Variants in DENND1B observed in about 807,000 individuals in gnomAD.
DENND1B encodes the protein DENN domain-containing protein 1B.
A neutral mutation model predicts 90.1 loss-of-function variants in DENND1B; 59 were observed. The observed-to-expected ratio is 0.65, with a 90% confidence interval of 0.53 to 0.81. The LOEUF is 0.81. Ranked by LOEUF, DENND1B falls within the 40% of genes least tolerant of loss-of-function variation. The probability of loss-of-function intolerance (pLI) is 0.00; values close to 1 mark genes in which losing one functional copy is unlikely to be tolerated. For missense variants in DENND1B, 862 were observed against 912.6 expected (o/e 0.94, Z 0.71); for synonymous variants, 337 against 324.6 (o/e 1.04, Z -0.41).
intron 5 of DENND1B, among the ~76,000 whole-genome samples, chr1:197,668,886 C>G (rs1655204618): frequency 6.6e-6 from 1 of 152,004 alleles, no homozygotes; most frequent in African/African-American, 2.4e-5. Flanking sequence ...ACAAACAGCA[C>G]ATGAAGTGTG....
At chr1:197,773,173 T>C (rs1402170640) in intron 1 of DENND1B, 2 of 510,786 alleles carry the variant, frequency 3.9e-6, no homozygotes, top group Non-Finnish European at 7.1e-6. Flanking sequence ...TGTTCTCCCT[T>C]ACCTATGAGG....
At chr1:197,609,386 G>T (rs1211488236) in intron 12 of DENND1B, among the ~76,000 whole-genome samples, 3 of 150,474 alleles carry the variant, frequency 2.0e-5, no homozygotes, top group Non-Finnish European at 3.0e-5. Flanking sequence ...ATTTTATTTA[G>T]AATCCATTGT....
At position 197,509,466 on chromosome 1, in the gene DENND1B, G is replaced by A. The variant is rs544171487; in HGVS notation, c.*994C>T. On this transcript the variant is annotated 3_prime_UTR_variant, in exon 23 of 23. Transcript: ENST00000620048. Reference sequence around the variant, plus strand: ...ATTGGGGCAGATGTACCATAGTAACGTAAGATGTTAGTAACAGGGGTAGAT... The same window carrying A: ...ATTGGGGCAGATGTACCATAGTAACATAAGATGTTAGTAACAGGGGTAGAT... 6 of 151,848 alleles carry A rather than the reference G, an allele frequency of 4.0e-5. No homozygotes were observed. Among genetic ancestry groups the A allele is most frequent in the South Asian group, 4.1e-4 (2 of 4,826 alleles). 9.4% of individuals were successfully genotyped at this position (151,848 alleles called of 1,614,324 possible). A position where few individuals can be genotyped will look rare whatever the true frequency, so the allele number is the denominator to read the frequency against.
intron 5 of DENND1B, among the ~76,000 whole-genome samples, chr1:197,662,976 C>G (rs1300474610): frequency 1.3e-5 from 2 of 151,928 alleles, no homozygotes; most frequent in African/African-American, 2.4e-5. Flanking sequence ...TTTGGTAAAC[C>G]CTTCCAATTT....
intron 9 of DENND1B, among the ~76,000 whole-genome samples, chr1:197,645,297 T>C (rs1680632777): frequency 6.6e-6 from 1 of 152,114 alleles, no homozygotes; most frequent in African/African-American, 2.4e-5. Flanking sequence ...AATAATGATT[T>C]GTGTGAAGAC....
chr1:197,671,660 AAAG>A (rs1655516570), intron 5 of DENND1B, among the ~76,000 whole-genome samples: 1 of 152,176 alleles, frequency 6.6e-6, no homozygotes, highest in Non-Finnish European at 1.5e-5. Context: ...CCTCTGTCTT[AAAG>A]CAGCAGTTCA....
chr1:197,554,890 C>T (rs1671588001), intron 15 of DENND1B, among the ~76,000 whole-genome samples: 1 of 146,650 alleles, frequency 6.8e-6, no homozygotes, highest in South Asian at 2.2e-4. Context: ...CAGTAAGTCA[C>T]ACCAGTTATA....
At chr1:197,544,286 T>C (rs1366426727) in intron 18 of DENND1B, among the ~76,000 whole-genome samples, 1 of 152,254 alleles carries the variant, frequency 6.6e-6, no homozygotes, top group Admixed American at 6.5e-5. Flanking sequence ...TGGTGTTGAC[T>C]AGGTGGATAA....
upstream of DENND1B, among the ~76,000 whole-genome samples, chr1:197,777,310 C>A (rs565576068): frequency 2.0e-5 from 3 of 152,252 alleles, no homozygotes; most frequent in South Asian, 6.2e-4. Flanking sequence ...GACAGTCATA[C>A]CCTTGAACAG....
intron 15 of DENND1B, among the ~76,000 whole-genome samples, chr1:197,581,656 GACTCCTA>G (rs2125770193): frequency 6.6e-6 from 1 of 152,154 alleles, no homozygotes; most frequent in East Asian, 1.9e-4. Flanking sequence ...AACTATACAT[GACTCCTA>G]AAAAGTAAAC....
At chr1:197,769,738 A>G (rs1431757454) in intron 2 of DENND1B, among the ~76,000 whole-genome samples, 5 of 152,120 alleles carry the variant, frequency 3.3e-5, no homozygotes, top group African/African-American at 1.2e-4. Context: ...AATTTCACCC[A>G]TGATCATTTA....
At chr1:197,552,747 T>C (rs6677361) in intron 16 of DENND1B, 963,675 of 1,202,862 alleles carry the variant, frequency 0.8, 387,103 homozygotes, top group South Asian at 0.87. Flanking sequence ...TATGAGTTGA[T>C]TGGATTTCTG....
chr1:197,601,616 C>G (rs891064493), intron 13 of DENND1B, among the ~76,000 whole-genome samples: 4 of 151,208 alleles, frequency 2.6e-5, no homozygotes, highest in Non-Finnish European at 4.4e-5. Context: ...AAATGAAAAG[C>G]CATGAGAAAG....
At chr1:197,565,729 A>T (rs1672591233) in intron 15 of DENND1B, among the ~76,000 whole-genome samples, 1 of 149,418 alleles carries the variant, frequency 6.7e-6, no homozygotes, top group South Asian at 2.1e-4. Context: ...TATGAGTGAG[A>T]ATATGCAGTG....
In DENND1B at chr1:197,627,685, T is replaced by C. The variant is rs1313568313; in HGVS notation, c.673-9926A>G. Among the ~76,000 whole-genome samples the C allele has an allele frequency of 2.6e-5, 4 of 151,788 alleles. No individual in the cohort carries two copies. In the East Asian group the frequency reaches 7.8e-4, roughly 29 times the overall value. On this transcript the variant is annotated intron_variant, in intron 10 of 22. Transcript: ENST00000620048. Reference sequence around the variant, plus strand: ...AGTTGGAAGTTCTGGCCAGGGCAATTAGGCAGGGGAAGGAAATAAAGGGTA... The same window carrying C: ...AGTTGGAAGTTCTGGCCAGGGCAATCAGGCAGGGGAAGGAAATAAAGGGTA...
intron 15 of DENND1B, among the ~76,000 whole-genome samples, chr1:197,578,081 T>C (rs1450052449): frequency 1.3e-5 from 2 of 151,892 alleles, no homozygotes; most frequent in Non-Finnish European, 2.9e-5. Context: ...AAAGAAGGAG[T>C]GTCCAGGGGA....
chr1:197,512,231 T>G (rs1021037095), intron 21 of DENND1B, among the ~76,000 whole-genome samples: 2 of 151,744 alleles, frequency 1.3e-5, no homozygotes, highest in Non-Finnish European at 3.0e-5. Context: ...TTTAGGAATA[T>G]TAGACTGAAC....
At chr1:197,692,278 A>G (rs1298515522) in intron 3 of DENND1B, among the ~76,000 whole-genome samples, 1 of 151,812 alleles carries the variant, frequency 6.6e-6, no homozygotes, top group African/African-American at 2.4e-5. Context: ...TCCAATTCAA[A>G]GCACCTAAAT....
At chr1:197,657,706 A>T (rs985934501) in intron 6 of DENND1B, among the ~76,000 whole-genome samples, 3 of 152,176 alleles carry the variant, frequency 2.0e-5, no homozygotes, top group African/African-American at 7.2e-5. Context: ...TTCCTCAAAA[A>T]ATTAAATGCA....
Sources: gnomAD v4.1 joint callset for allele counts (sites outside exome capture counted in the v4.1 genomes callset) on GRCh38, gnomAD v4.1.1 for gene constraint, MANE v1.5 for transcripts, NCBI Gene and HGNC (gene_info 2026-07-23, HGNC 2026-07-21) for gene names.